ABLIM1: variants seen among roughly 807,000 people sequenced by gnomAD.
ABLIM1 encodes the protein actin binding LIM protein 1, also known as actin-binding LIM protein 1.
ABLIM1 carries 40 observed loss-of-function variants against 107.0 expected under a neutral mutation model. That is an observed-to-expected ratio of 0.37 (90% CI 0.29 to 0.49). ABLIM1 has a LOEUF of 0.49. Among genes scored for constraint, ABLIM1 ranks in the 20% least tolerant of loss-of-function variants. ABLIM1 has a pLI of 0.97. For missense variants in ABLIM1, 857 were observed against 1,008.5 expected, an observed-to-expected ratio of 0.85 and a Z score of 2.04; for synonymous variants, 357 against 357.3, an observed-to-expected ratio of 1.00 and a Z score of 0.01.
At chr10:114,797,408 T>A in the ABLIM1 span, among the ~76,000 whole-genome samples, 29 of 152,210 alleles carry the variant, frequency 1.9e-4, no homozygotes, top group Non-Finnish European at 3.2e-4. Flanking sequence ...ACAGTATAGA[T>A]TGGATACATA....
intron 1 of ABLIM1, among the ~76,000 whole-genome samples, chr10:114,638,601 C>A (rs2078590487): frequency 6.7e-6 from 1 of 149,354 alleles, no homozygotes; most frequent in South Asian, 2.1e-4. Context: ...TGTTAAAGAG[C>A]CTCTCGTCCC....
chr10:114,603,494 A>T (rs1252356379), intron 1 of ABLIM1, among the ~76,000 whole-genome samples: 2 of 152,138 alleles, frequency 1.3e-5, no homozygotes, highest in Non-Finnish European at 2.9e-5. Context: ...ACCTCCTGGG[A>T]TCTCTCTTGA....
rs2072398321 is a variant in ABLIM1 at position 114,575,500 on chromosome 10, C to T, written c.479G>A (p.Gly160Asp). Residue 160 changes from glycine (G) to aspartate (D), a missense_variant, in exon 3 of 23, where the codon GGC becomes GAC. Around this residue, in one of 5 missense-constraint regions of ABLIM1, gnomAD observed 381 missense variants for 506.9 expected, o/e 0.75. Coordinates refer to ENST00000533213, the MANE Select transcript of ABLIM1 (RefSeq NM_002313.7). ...TTCGCCCTCCACGAACTCCCCACAG[C>T]CATGGCAGCGTGTCCCGTACATCCG... is the stretch of plus-strand genomic sequence containing the variant. ...YQRMYGTRCH[G>D]CGEFVEGEVV... The T allele has an allele frequency of 1.9e-6, 3 of 1,614,092 alleles. No individual in the cohort carries two copies. The African/African-American group carries it at 4.0e-5, about 22-fold the overall frequency.
intron 1 of ABLIM1, among the ~76,000 whole-genome samples, chr10:114,762,095 G>T (rs558929733): frequency 1.3e-5 from 2 of 151,690 alleles, no homozygotes; most frequent in Non-Finnish European, 2.9e-5. Flanking sequence ...GGGCAGTGGC[G>T]CATCTCTGCT....
the ABLIM1 span, among the ~76,000 whole-genome samples, chr10:114,787,074 C>T: frequency 1.7e-3 from 250 of 149,620 alleles, no homozygotes; most frequent in African/African-American, 5.8e-3. Context: ...TGCCGCCATC[C>T]CATCTAGGAA....
At chr10:114,536,192 T>C (rs2065977035) in intron 6 of ABLIM1, among the ~76,000 whole-genome samples, 1 of 150,378 alleles carries the variant, frequency 6.6e-6, no homozygotes, top group Non-Finnish European at 1.5e-5. Context: ...TGGACAATTA[T>C]GGTCTTTTGT....
chr10:114,547,555 C>T (rs910116874), intron 5 of ABLIM1, 95 bp downstream of exon 5: 2 of 1,512,022 alleles, frequency 1.3e-6, no homozygotes, highest in African/African-American at 2.8e-5. Context: ...ATTTCAGCAC[C>T]ATTGATGGGG....
intron 4 of ABLIM1, among the ~76,000 whole-genome samples, chr10:114,558,988 A>C (rs987356850): frequency 6.6e-6 from 1 of 151,534 alleles, no homozygotes; most frequent in Non-Finnish European, 1.5e-5. Flanking sequence ...ATATGTATAG[A>C]ATGAACCATC....
At chr10:114,593,113 G>T (rs2075073949) in intron 2 of ABLIM1, among the ~76,000 whole-genome samples, 1 of 152,108 alleles carries the variant, frequency 6.6e-6, no homozygotes, top group Non-Finnish European at 1.5e-5. Context: ...TTTTAAAAAT[G>T]ATTGATGAAA....
intron 1 of ABLIM1, among the ~76,000 whole-genome samples, chr10:114,717,039 CTCATTCAT>C (rs35290540): frequency 6.6e-6 from 1 of 150,842 alleles, no homozygotes; most frequent in African/African-American, 2.4e-5. Context: ...ATCATGGTAT[CTCATTCAT>C]TCATTCATTC....
intron 2 of ABLIM1, among the ~76,000 whole-genome samples, chr10:114,583,458 CACACACACACATATATATAT>C (rs2073780916): frequency 4.3e-4 from 5 of 11,616 alleles, no homozygotes; most frequent in African/African-American, 1.1e-3. Context: ...CACACACACA[CACACACACACATATATATAT>C]ATATATATAT....
At chr10:114,436,714 C>T (rs1264203553) in intron 22 of ABLIM1, among the ~76,000 whole-genome samples, 2 of 152,074 alleles carry the variant, frequency 1.3e-5, no homozygotes, top group East Asian at 3.9e-4. Context: ...TGGACTATCG[C>T]AATAGAAAGC....
intron 1 of ABLIM1, among the ~76,000 whole-genome samples, chr10:114,640,419 T>A (rs1370863074): frequency 1.3e-5 from 2 of 152,028 alleles, no homozygotes; most frequent in Non-Finnish European, 2.9e-5. Flanking sequence ...CCCAGCTACT[T>A]GGAAGGCTGG....
chr10:114,710,144 T>TG (rs748227428), intron 1 of ABLIM1, among the ~76,000 whole-genome samples: 1 of 152,230 alleles, frequency 6.6e-6, no homozygotes, highest in Non-Finnish European at 1.5e-5. Flanking sequence ...ACAGCTCAAC[T>TG]GCCCAACAGA....
At chr10:114,545,618 C>T (rs2483599) in intron 5 of ABLIM1, among the ~76,000 whole-genome samples, 118,217 of 152,068 alleles carry the variant, frequency 0.78, 46,573 homozygotes, top group African/African-American at 0.92. Context: ...GTATATAATA[C>T]ATATAGTTAT....
At chr10:114,771,298 C>A (rs1050236444), upstream of ABLIM1, among the ~76,000 whole-genome samples, 1 of 152,126 alleles carries the variant, frequency 6.6e-6, no homozygotes, top group African/African-American at 2.4e-5. Flanking sequence ...TTATAAAATT[C>A]ACTCCTAGAT....
intron 8 of ABLIM1, among the ~76,000 whole-genome samples, chr10:114,481,766 A>G (rs1247272155): frequency 6.6e-6 from 1 of 152,202 alleles, no homozygotes; most frequent in African/African-American, 2.4e-5. Flanking sequence ...GATGAACTGT[A>G]AAGACACACT....
chr10:114,784,027 T>C, the ABLIM1 span, among the ~76,000 whole-genome samples: 36 of 151,754 alleles, frequency 2.4e-4, 1 homozygote, highest in African/African-American at 7.5e-4. Flanking sequence ...GGAATGAGGG[T>C]AAGAAAGGAC....
intron 2 of ABLIM1, among the ~76,000 whole-genome samples, chr10:114,593,036 A>G (rs1197802355): frequency 6.5e-5 from 2 of 30,834 alleles, no homozygotes; most frequent in Admixed American, 3.2e-4. Flanking sequence ...CACTCTGAGT[A>G]TGGGGTACTC....
Sources: gnomAD v4.1 joint callset for allele counts (sites outside exome capture counted in the v4.1 genomes callset) on GRCh38, gnomAD v4.1.1 for gene constraint, gnomAD v4.1.1 regional missense constraint, MANE v1.5 for transcripts, NCBI Gene and HGNC (gene_info 2026-07-23, HGNC 2026-07-21) for gene names.